The following LINGO2 variants were observed in gnomAD, a reference collection of about 807,000 sequenced individuals.
LINGO2 encodes the protein leucine-rich repeat and immunoglobulin-like domain-containing nogo receptor-interacting protein 2.
LINGO2 carries 14 observed loss-of-function variants against 30.6 expected under a neutral mutation model. The observed-to-expected ratio is 0.46, with a 90% confidence interval of 0.30 to 0.72. The LOEUF is 0.72. LINGO2 is among the 30% of genes least tolerant of loss of function. LINGO2 has a pLI of 0.07. For missense variants in LINGO2, 729 were observed against 751.7 expected (o/e 0.97, Z 0.35); for synonymous variants, 317 against 288.5 (o/e 1.10, Z -1.00).
intron 1 of LINGO2, among the ~76,000 whole-genome samples, chr9:28,595,173 A>G (rs1521730): frequency 0.18 from 27,224 of 151,658 alleles, 2,720 homozygotes; most frequent in Admixed American, 0.29. Flanking sequence ...GTGAGAAAAA[A>G]CCCCTTTCAA....
intron 4 of LINGO2, among the ~76,000 whole-genome samples, chr9:28,104,255 G>GTTTTTTTTTTTTTTTTTTTTT (rs1453019033): frequency 2.7e-5 from 2 of 75,166 alleles, no homozygotes; most frequent in East Asian, 5.1e-4. Flanking sequence ...CCCAGTACAA[G>GTTTTTTTTTTTTTTTTTTTTT]TTTTTTGTTT....
intron 4 of LINGO2, among the ~76,000 whole-genome samples, chr9:28,225,566 T>C (rs1289840943): frequency 6.6e-6 from 1 of 151,968 alleles, no homozygotes; most frequent in Non-Finnish European, 1.5e-5. Context: ...TGAGAGAAAA[T>C]ATACTAAAAA....
intron 5 of LINGO2, among the ~76,000 whole-genome samples, chr9:27,999,009 T>C (rs1821809419): frequency 6.6e-6 from 1 of 152,132 alleles, no homozygotes; most frequent in Admixed American, 6.6e-5. Context: ...ACTTTTGGTA[T>C]CTGGTTAAAA....
At chr9:28,924,707 C>CT in the LINGO2 span, among the ~76,000 whole-genome samples, 2 of 152,106 alleles carry the variant, frequency 1.3e-5, no homozygotes, top group Non-Finnish European at 2.9e-5. Flanking sequence ...ATTTAAAAAG[C>CT]TTTTTTATAG....
intron 1 of LINGO2, among the ~76,000 whole-genome samples, chr9:28,629,899 T>G (rs974255795): frequency 6.6e-6 from 1 of 151,960 alleles, no homozygotes; most frequent in African/African-American, 2.4e-5. Context: ...ATTAGGTATA[T>G]CTCCCGATGC....
chr9:28,447,196 G>C (rs1367805703), intron 2 of LINGO2, among the ~76,000 whole-genome samples: 2 of 152,134 alleles, frequency 1.3e-5, no homozygotes, highest in Admixed American at 1.3e-4. Context: ...GCAACTGTTA[G>C]GTCTGGACGT....
the LINGO2 span, among the ~76,000 whole-genome samples, chr9:29,090,930 T>A: frequency 6.6e-6 from 1 of 152,076 alleles, no homozygotes; most frequent in Non-Finnish European, 1.5e-5. Context: ...ATCTTGAGAT[T>A]ATCTTCCACA....
chr9:29,126,399 T>C, the LINGO2 span, among the ~76,000 whole-genome samples: 3 of 152,224 alleles, frequency 2.0e-5, no homozygotes, highest in Non-Finnish European at 2.9e-5. Flanking sequence ...TGTATAGCAG[T>C]GTGTGACACA....
intron 1 of LINGO2, among the ~76,000 whole-genome samples, chr9:28,570,801 A>G (rs1587884653): frequency 6.6e-6 from 1 of 152,088 alleles, no homozygotes; most frequent in Non-Finnish European, 1.5e-5. Context: ...TTCACCCCAT[A>G]AATCCAGACT....
chr9:28,033,595 T>C (rs1339302966), intron 4 of LINGO2, among the ~76,000 whole-genome samples: 1 of 152,230 alleles, frequency 6.6e-6, no homozygotes, highest in Non-Finnish European at 1.5e-5. Context: ...CATGGACTGA[T>C]GCTTTCTCTC....
intron 1 of LINGO2, among the ~76,000 whole-genome samples, chr9:28,551,318 C>T (rs1043005701): frequency 1.3e-5 from 2 of 151,758 alleles, no homozygotes; most frequent in East Asian, 1.9e-4. Flanking sequence ...GCCTTGTATC[C>T]ATCAATCTCT....
chr9:28,836,045 G>T, the LINGO2 span, among the ~76,000 whole-genome samples: 1 of 152,102 alleles, frequency 6.6e-6, no homozygotes, highest in Non-Finnish European at 1.5e-5. Flanking sequence ...CAAATGAACA[G>T]GTATGCTGGA....
chr9:29,068,376 T>C, the LINGO2 span, among the ~76,000 whole-genome samples: 1 of 151,806 alleles, frequency 6.6e-6, no homozygotes, highest in South Asian at 2.1e-4. Flanking sequence ...AGGTAATCAT[T>C]TTTTTAAACC....
At chr9:28,862,989 A>C in the LINGO2 span, among the ~76,000 whole-genome samples, 4 of 152,108 alleles carry the variant, frequency 2.6e-5, no homozygotes, top group Non-Finnish European at 5.9e-5. Flanking sequence ...AAGGTTACAC[A>C]ATCTTTTCTG....
chr9:28,828,159 G>A, the LINGO2 span, among the ~76,000 whole-genome samples: 1 of 151,700 alleles, frequency 6.6e-6, no homozygotes, highest in South Asian at 2.1e-4. Flanking sequence ...TGGAGTCTAA[G>A]TCTGCACTTA....
At chr9:28,686,220 T>C in the LINGO2 span, among the ~76,000 whole-genome samples, 44 of 152,140 alleles carry the variant, frequency 2.9e-4, no homozygotes, top group East Asian at 6.2e-3. Context: ...CTACGTACAA[T>C]GTAAGTCTTT....
At chr9:28,900,048 C>T in the LINGO2 span, among the ~76,000 whole-genome samples, 1 of 152,176 alleles carries the variant, frequency 6.6e-6, no homozygotes, top group Non-Finnish European at 1.5e-5. Flanking sequence ...AGCTTCTAGG[C>T]CAGCCATTAC....
intron 3 of LINGO2, 100 bp from the exon 6 acceptor site, chr9:28,295,466 G>A (rs935889406): frequency 1.3e-5 from 2 of 152,540 alleles, no homozygotes; most frequent in African/African-American, 4.8e-5. Context: ...GAATCATAAA[G>A]GAGTGTGTGA....
chr9:28,853,548 T>C, the LINGO2 span, among the ~76,000 whole-genome samples: 2 of 151,914 alleles, frequency 1.3e-5, no homozygotes, highest in South Asian at 2.1e-4. Flanking sequence ...CATTCTCACA[T>C]TGGTATAAGA....
Sources: gnomAD v4.1 joint callset for allele counts (sites outside exome capture counted in the v4.1 genomes callset) on GRCh38, gnomAD v4.1.1 for gene constraint, MANE v1.5 for transcripts, NCBI Gene and HGNC (gene_info 2026-07-23, HGNC 2026-07-21) for gene names.